Variants in AFG2A observed in about 807,000 individuals in gnomAD.
The protein encoded by AFG2A is ATPase family gene 2 protein homolog A.
the AFG2A span, among the ~76,000 whole-genome samples, chr4:122,943,215 G>A: frequency 6.6e-6 from 1 of 152,140 alleles, no homozygotes. Flanking sequence ...TTGTTGATCT[G>A]TCTAATGTTG....
At chr4:123,051,383 A>G in the AFG2A span, among the ~76,000 whole-genome samples, 50 of 152,020 alleles carry the variant, frequency 3.3e-4, no homozygotes, top group Non-Finnish European at 5.4e-4. Flanking sequence ...AAAAATTTGT[A>G]CACCTTAACT....
At chr4:123,261,012 T>C in the AFG2A span, among the ~76,000 whole-genome samples, 1 of 152,206 alleles carries the variant, frequency 6.6e-6, no homozygotes, top group Admixed American at 6.5e-5. Flanking sequence ...TTGTGAACTA[T>C]GCGTGCGAGG....
chr4:122,958,515 T>A, the AFG2A span, among the ~76,000 whole-genome samples: 1 of 152,210 alleles, frequency 6.6e-6, no homozygotes, highest in Admixed American at 6.5e-5. Flanking sequence ...GGAATTCAGG[T>A]TTGTTTCACA....
At chr4:123,069,555 A>G in the AFG2A span, among the ~76,000 whole-genome samples, 1 of 152,210 alleles carries the variant, frequency 6.6e-6, no homozygotes. Flanking sequence ...AAGAAACCAA[A>G]GAAATACGGA....
the AFG2A span, among the ~76,000 whole-genome samples, chr4:123,284,388 G>C: frequency 3.3e-5 from 5 of 152,352 alleles, no homozygotes; most frequent in South Asian, 6.2e-4. Context: ...ATGTTCAGCT[G>C]TCTGGGCTTA....
the AFG2A span, among the ~76,000 whole-genome samples, chr4:123,219,876 T>G: frequency 1.3e-5 from 2 of 152,038 alleles, no homozygotes; most frequent in Non-Finnish European, 2.9e-5. Context: ...AAAAAAAATT[T>G]TTTTTTTTTT....
the AFG2A span, among the ~76,000 whole-genome samples, chr4:123,016,400 TCAGA>T: frequency 2.7e-5 from 4 of 148,054 alleles, no homozygotes; most frequent in Non-Finnish European, 4.5e-5. Context: ...TCCTCACTTC[TCAGA>T]CAGGGCGGCT....
the AFG2A span, among the ~76,000 whole-genome samples, chr4:123,205,412 G>A: frequency 7.9e-5 from 12 of 151,652 alleles, no homozygotes; most frequent in African/African-American, 2.2e-4. Context: ...TTTCAAATCC[G>A]TGGATTCAAC....
chr4:123,240,819 C>T, the AFG2A span, among the ~76,000 whole-genome samples: 1 of 152,060 alleles, frequency 6.6e-6, no homozygotes. Flanking sequence ...ACAAAAAACC[C>T]TTCAAAAAAT....
chr4:123,073,613 G>A, the AFG2A span, among the ~76,000 whole-genome samples: 1 of 152,100 alleles, frequency 6.6e-6, no homozygotes, highest in Non-Finnish European at 1.5e-5. Context: ...TCTCTCAGGT[G>A]GTTGTACTCA....
At chr4:123,306,810 A>T in the AFG2A span, among the ~76,000 whole-genome samples, 6 of 152,176 alleles carry the variant, frequency 3.9e-5, no homozygotes, top group Non-Finnish European at 7.3e-5. Context: ...GAATAAGATG[A>T]AATACTCAGA....
chr4:123,052,887 G>T, the AFG2A span, among the ~76,000 whole-genome samples: 1 of 152,164 alleles, frequency 6.6e-6, no homozygotes. Flanking sequence ...GTCTGTGGCT[G>T]AAGGCCTGAG....
chr4:123,101,394 A>G, the AFG2A span, among the ~76,000 whole-genome samples: 4 of 151,932 alleles, frequency 2.6e-5, no homozygotes, highest in Non-Finnish European at 5.9e-5. Flanking sequence ...GAGCAGACTT[A>G]TATTCATTCA....
chr4:123,072,267 G>T, the AFG2A span, among the ~76,000 whole-genome samples: 2 of 152,078 alleles, frequency 1.3e-5, no homozygotes, highest in African/African-American at 4.8e-5. Flanking sequence ...ACTTACACAT[G>T]TGTCAACTCT....
the AFG2A span, chr4:122,979,211 G>T: frequency 6.2e-7 from 1 of 1,609,008 alleles, no homozygotes; most frequent in Non-Finnish European, 8.5e-7. Context: ...CAAATCTTGT[G>T]TTACTTTCCT....
the AFG2A span, among the ~76,000 whole-genome samples, chr4:123,224,628 G>A: frequency 6.6e-6 from 1 of 151,912 alleles, no homozygotes; most frequent in African/African-American, 2.4e-5. Context: ...CCTTTGGGTT[G>A]GTTCCAGGTC....
At chr4:123,309,877 A>G in the AFG2A span, among the ~76,000 whole-genome samples, 1 of 152,226 alleles carries the variant, frequency 6.6e-6, no homozygotes, top group Non-Finnish European at 1.5e-5. Context: ...TTATTTGACC[A>G]TGGAATACTT....
At chr4:123,057,195 A>G in the AFG2A span, 1 of 1,613,512 alleles carries the variant, frequency 6.2e-7, no homozygotes, top group Non-Finnish European at 8.5e-7. Flanking sequence ...CTAATGTGGC[A>G]CTCTTTCCAC....
At chr4:123,084,614 G>GTGTGTGTA in the AFG2A span, among the ~76,000 whole-genome samples, 14,482 of 148,342 alleles carry the variant, frequency 0.098, 780 homozygotes, top group Middle Eastern at 0.16. Flanking sequence ...GTGTGTGTGT[G>GTGTGTGTA]TATATATATA....
Sources: gnomAD v4.1 joint callset for allele counts (sites outside exome capture counted in the v4.1 genomes callset) on GRCh38, gnomAD v4.1.1 for gene constraint, MANE v1.5 for transcripts, NCBI Gene and HGNC (gene_info 2026-07-23, HGNC 2026-07-21) for gene names.